The following RPTOR variants were observed in gnomAD, a reference collection of about 807,000 sequenced individuals.
RPTOR encodes the protein regulatory associated protein of MTOR complex 1.
Under a neutral mutation model 169.9 loss-of-function variants are expected in RPTOR, and 21 were observed. The ratio of observed to expected loss-of-function variants is 0.12; its 90% CI spans 0.09 to 0.18. The LOEUF is 0.18. Ranked by LOEUF, RPTOR falls within the 10% of genes least tolerant of loss-of-function variation. The probability of loss-of-function intolerance (pLI) is 1.00; values close to 1 mark genes in which losing one functional copy is unlikely to be tolerated. For missense variants in RPTOR, 1,133 were observed against 1,855.9 expected, an observed-to-expected ratio of 0.61 and a Z score of 7.16; for synonymous variants, 732 against 753.2, an observed-to-expected ratio of 0.97 and a Z score of 0.46.
chr17:80,587,002 A>G (rs1306906327), intron 1 of RPTOR, among the ~76,000 whole-genome samples: 1 of 152,234 alleles, frequency 6.6e-6, no homozygotes, highest in Non-Finnish European at 1.5e-5. Flanking sequence ...CACGTCAGCA[A>G]TGTTCTCGAC....
chr17:80,591,711 A>C (rs1046009112), intron 1 of RPTOR, among the ~76,000 whole-genome samples: 1 of 152,166 alleles, frequency 6.6e-6, no homozygotes, highest in Non-Finnish European at 1.5e-5. Flanking sequence ...TAGAGCAGGC[A>C]TGGGGATGAT....
At chr17:80,788,820 G>A (rs1206085128) in intron 6 of RPTOR, among the ~76,000 whole-genome samples, 3 of 152,252 alleles carry the variant, frequency 2.0e-5, no homozygotes, top group East Asian at 3.9e-4. Context: ...TCAGCTTTGT[G>A]GGTTTTTTGA....
chr17:80,689,758 C>T (rs2316062), intron 3 of RPTOR, among the ~76,000 whole-genome samples: 26,757 of 152,158 alleles, frequency 0.18, 3,760 homozygotes, highest in African/African-American at 0.39. Flanking sequence ...TTCTTTCCTT[C>T]TTTATGTTCA....
intron 13 of RPTOR, among the ~76,000 whole-genome samples, chr17:80,867,018 G>A (rs145513399): frequency 0.012 from 1,878 of 152,204 alleles, 30 homozygotes; most frequent in African/African-American, 0.043. Flanking sequence ...GTTCTATGAG[G>A]CCAGCATTAC....
At chr17:80,747,566 C>T (rs961211920) in intron 5 of RPTOR, among the ~76,000 whole-genome samples, 1 of 152,248 alleles carries the variant, frequency 6.6e-6, no homozygotes, top group Non-Finnish European at 1.5e-5. Context: ...ACCTGTCCGA[C>T]TGCTCCCTCG....
intron 7 of RPTOR, among the ~76,000 whole-genome samples, chr17:80,821,869 C>T (rs573128936): frequency 1.1e-3 from 165 of 152,196 alleles, no homozygotes; most frequent in Non-Finnish European, 2.1e-3. Context: ...GCTTTCAGCA[C>T]GTGCCACAGA....
intron 3 of RPTOR, among the ~76,000 whole-genome samples, chr17:80,660,965 C>G (rs552710298): frequency 6.6e-6 from 1 of 152,238 alleles, no homozygotes; most frequent in African/African-American, 2.4e-5. Context: ...CACCCCCAGC[C>G]CAGCTGCCCT....
intron 1 of RPTOR, among the ~76,000 whole-genome samples, chr17:80,601,294 C>G (rs1232042047): frequency 6.6e-6 from 1 of 152,288 alleles, no homozygotes; most frequent in Non-Finnish European, 1.5e-5. Flanking sequence ...GTGTCCCCTC[C>G]CTTCCCTTCC....
chr17:80,566,603 G>A (rs1456772592), intron 1 of RPTOR, among the ~76,000 whole-genome samples: 4 of 151,858 alleles, frequency 2.6e-5, no homozygotes, highest in African/African-American at 4.8e-5. Flanking sequence ...GGCGGATCAT[G>A]AGGTCAGGAG....
intron 3 of RPTOR, among the ~76,000 whole-genome samples, chr17:80,703,700 G>A (rs1040024785): frequency 7.9e-5 from 12 of 152,212 alleles, no homozygotes; most frequent in African/African-American, 2.7e-4. Flanking sequence ...CAGGGCCCCA[G>A]TACTGCCGGA....
At chr17:80,698,611 A>G (rs958265439) in intron 3 of RPTOR, among the ~76,000 whole-genome samples, 1 of 152,192 alleles carries the variant, frequency 6.6e-6, no homozygotes, top group African/African-American at 2.4e-5. Flanking sequence ...ACCGTTTAAC[A>G]TCCTCCCTTT....
intron 13 of RPTOR, among the ~76,000 whole-genome samples, chr17:80,868,649 C>T (rs2068018879): frequency 6.6e-6 from 1 of 152,148 alleles, no homozygotes; most frequent in South Asian, 2.1e-4. Flanking sequence ...GAAATGGAAG[C>T]ATGTCCACAC....
At chr17:80,898,255 G>A (rs2068431452) in intron 20 of RPTOR, among the ~76,000 whole-genome samples, 7 of 152,178 alleles carry the variant, frequency 4.6e-5, no homozygotes. Flanking sequence ...ATTCTCATGA[G>A]TCTCTAATCT....
At chr17:80,810,068 T>C (rs2099428596) in intron 7 of RPTOR, among the ~76,000 whole-genome samples, 1 of 150,846 alleles carries the variant, frequency 6.6e-6, no homozygotes, top group African/African-American at 2.4e-5. Flanking sequence ...AATAAATAAA[T>C]AAATAAATAA....
At chr17:80,839,091 C>T (rs1025139407) in intron 10 of RPTOR, among the ~76,000 whole-genome samples, 1 of 152,210 alleles carries the variant, frequency 6.6e-6, no homozygotes, top group Non-Finnish European at 1.5e-5. Flanking sequence ...CACACCACAG[C>T]CGTCAGGGAA....
chr17:80,641,451 G>A (rs985033347), intron 2 of RPTOR, among the ~76,000 whole-genome samples: 4 of 152,094 alleles, frequency 2.6e-5, no homozygotes, highest in African/African-American at 4.8e-5. Flanking sequence ...TCTTATTAAC[G>A]TCATGATTTT....
At chr17:80,859,756 G>A (rs1302494494) in intron 13 of RPTOR, among the ~76,000 whole-genome samples, 1 of 152,232 alleles carries the variant, frequency 6.6e-6, no homozygotes, top group Non-Finnish European at 1.5e-5. Context: ...GGGCGCTTGT[G>A]CGTGCATGTG....
At position 80,940,314 on chromosome 17, in the gene RPTOR, G is replaced by A. The variant is rs184969631; in HGVS notation, c.2920-182G>A. ...TGTCGGGTATGGCGGGCAAGCTAGC[G>A]AGGGTTTGAGGTGTGCCGGAGGATG... On this transcript the variant is annotated intron_variant, in intron 24 of 33. Transcript: ENST00000306801. The A allele has an allele frequency of 3.1e-4, 167 of 532,140 alleles. 1 individual carries two copies. Among genetic ancestry groups the A allele is most frequent in the Non-Finnish European group, 3.7e-5 (11 of 300,722 alleles). 33.0% of individuals were successfully genotyped at this position (532,140 alleles called of 1,614,324 possible).
chr17:80,807,363 G>A (rs982086121), intron 7 of RPTOR, among the ~76,000 whole-genome samples: 10 of 145,568 alleles, frequency 6.9e-5, no homozygotes, highest in East Asian at 3.9e-4. Context: ...TTTTTGGAGC[G>A]GGGGGAACGG....
Sources: gnomAD v4.1 joint callset for allele counts (sites outside exome capture counted in the v4.1 genomes callset) on GRCh38, gnomAD v4.1.1 for gene constraint, MANE v1.5 for transcripts, NCBI Gene and HGNC (gene_info 2026-07-23, HGNC 2026-07-21) for gene names.